The following HECW1 variants were observed in gnomAD, a reference collection of about 807,000 sequenced individuals.
HECW1 encodes the protein HECT, C2 and WW domain containing E3 ubiquitin protein ligase 1, also known as E3 ubiquitin-protein ligase HECW1.
In HECW1, 61 loss-of-function variants were observed where a neutral mutation model predicts 182.3. That is an observed-to-expected ratio of 0.33 (90% confidence interval 0.27 to 0.41). The LOEUF is 0.41. HECW1 is among the 10% of genes least tolerant of loss of function. HECW1 has a pLI of 1.00. For missense variants in HECW1, 1,739 were observed against 2,108.9 expected, an observed-to-expected ratio of 0.82 and a Z score of 3.44; for synonymous variants, 859 against 832.6, an observed-to-expected ratio of 1.03 and a Z score of -0.55.
chr7:43,152,798 C>T (rs546685795), intron 2 of HECW1, among the ~76,000 whole-genome samples: 3 of 152,074 alleles, frequency 2.0e-5, no homozygotes, highest in Non-Finnish European at 4.4e-5. Context: ...TATCTGTAGG[C>T]GTTTCCCCCT....
At chr7:43,420,859 A>G (rs559162385) in intron 8 of HECW1, among the ~76,000 whole-genome samples, 8 of 152,180 alleles carry the variant, frequency 5.3e-5, no homozygotes, top group Non-Finnish European at 1.2e-4. Flanking sequence ...TTAGGTGTCA[A>G]TTCTTCCCCA....
rs753488396 is a variant in HECW1 at position 43,444,530 on chromosome 7, C to G, written c.1358C>G (p.Pro453Arg). 10 of 1,611,260 alleles carry G rather than the reference C, an allele frequency of 6.2e-6. No individual in the cohort carries two copies. Among genetic ancestry groups the G allele is most frequent in the Admixed American group, 1.7e-5 (1 of 59,706 alleles). Residue 453 changes from proline to arginine, a missense_variant, in exon 11 of 30, where the codon CCC becomes CGC. Physicochemically the swap from Pro to Arg is moderately radical, Grantham distance 103. Transcript: ENST00000395891. The surrounding 1 kb of genome is among the most constrained non-coding windows in gnomAD (Gnocchi z 4.3). ...AQVQKDIQPA[P>R]SAEELAEQLD... ...GTGCAAAAGGACATCCAGCCTGCCCCCAGTGCAGAAGAGCTGGCCGAGCAG... is the reference window on the plus strand; with the variant it reads ...GTGCAAAAGGACATCCAGCCTGCCCGCAGTGCAGAAGAGCTGGCCGAGCAG...
chr7:43,162,736 A>G (rs952570469), intron 2 of HECW1, among the ~76,000 whole-genome samples: 1 of 152,226 alleles, frequency 6.6e-6, no homozygotes, highest in African/African-American at 2.4e-5. Flanking sequence ...GCCTTTTAAT[A>G]CAGAGGTAGT....
In HECW1 at chr7:43,133,728, C is replaced by T. The variant is rs896997813; in HGVS notation, c.-32+19337C>T. Among the ~76,000 whole-genome samples, 7 of 151,888 alleles carry T rather than the reference C, an allele frequency of 4.6e-5. No individual in the cohort carries two copies. In the East Asian group the frequency reaches 1.4e-3, roughly 29 times the overall value. On this transcript the variant is annotated intron_variant, in intron 2 of 29. Coordinates refer to ENST00000395891, the MANE Select transcript of HECW1 (RefSeq NM_015052.5). ...TGTGTCTATTTTATTGTTTTTTTAA[C>T]TCAAGAACTAATGCTGATATTCATT...
chr7:43,320,673 CG>C lies in HECW1; in HGVS notation c.392del (p.Arg131LeufsTer36). ...LSENFLDYKN[R>X]GVNGSHRGQI... ...CGAAAACTTTCTGGACTATAAAAACCGTGGAGTCAATGGTTCTCATCGGGGC... is the reference window on the plus strand; with the variant it reads ...CGAAAACTTTCTGGACTATAAAAACCTGGAGTCAATGGTTCTCATCGGGGC... On this transcript the variant is annotated frameshift_variant, in exon 5 of 30. Coordinates refer to ENST00000395891, the MANE Select transcript of HECW1 (RefSeq NM_015052.5). LOFTEE classifies it high-confidence loss of function. The C allele has an allele frequency of 6.2e-7, 1 of 1,614,152 alleles. No homozygotes were observed. Among genetic ancestry groups the C allele is most frequent in the Non-Finnish European group, 8.5e-7 (1 of 1,180,016 alleles).
intron 2 of HECW1, among the ~76,000 whole-genome samples, chr7:43,184,983 G>T (rs148667052): frequency 1.2e-4 from 18 of 152,156 alleles, no homozygotes; most frequent in Non-Finnish European, 2.6e-4. Flanking sequence ...GCATGGTGTT[G>T]AACCATTAGA....
chr7:43,307,082 A>G (rs1230067778), intron 3 of HECW1, among the ~76,000 whole-genome samples: 1 of 152,178 alleles, frequency 6.6e-6, no homozygotes, highest in African/African-American at 2.4e-5. Flanking sequence ...AAAAAAACCA[A>G]AAACAAAAAA....
At chr7:43,494,848 C>A (rs1255184348) in intron 19 of HECW1, among the ~76,000 whole-genome samples, 1 of 152,148 alleles carries the variant, frequency 6.6e-6, no homozygotes, top group Non-Finnish European at 1.5e-5. Flanking sequence ...TGTCCATGGT[C>A]TCAAAGTCTG....
chr7:43,303,397 A>G (rs1304141926), intron 3 of HECW1, among the ~76,000 whole-genome samples: 1 of 146,166 alleles, frequency 6.8e-6, no homozygotes, highest in East Asian at 2.1e-4. Context: ...GGGATGTTCA[A>G]CCTTACACTT....
At chr7:43,113,752 A>T in intron 1 of HECW1, 1 of 224,228 alleles carries the variant, frequency 4.5e-6, no homozygotes, top group Non-Finnish European at 8.9e-6. Context: ...GTGACAATGC[A>T]GCAAAATCCG....
At chr7:43,339,324 TC>T (rs1459054393) in intron 5 of HECW1, among the ~76,000 whole-genome samples, 6 of 152,278 alleles carry the variant, frequency 3.9e-5, no homozygotes, top group Non-Finnish European at 7.3e-5. Context: ...CTTCTTTCAA[TC>T]CGGATATTTT....
At chr7:43,501,453 CT>C in intron 21 of HECW1, 131 bp downstream of exon 21, 1 of 557,796 alleles carries the variant, frequency 1.8e-6, no homozygotes, top group South Asian at 2.8e-5. Flanking sequence ...TGAAAATGCA[CT>C]CTATCAGGTT....
intron 9 of HECW1, among the ~76,000 whole-genome samples, chr7:43,441,848 C>T (rs1027328170): frequency 6.6e-6 from 1 of 152,226 alleles, no homozygotes; most frequent in Non-Finnish European, 1.5e-5. Context: ...CTCACAACCA[C>T]ACAAAAACAG....
At chr7:43,408,295 T>C (rs1041513632) in intron 8 of HECW1, among the ~76,000 whole-genome samples, 5 of 152,136 alleles carry the variant, frequency 3.3e-5, no homozygotes, top group Admixed American at 3.3e-4. Flanking sequence ...TGCTACAGTA[T>C]TGAATAGTCT....
chr7:43,231,650 C>T (rs1797883510), intron 2 of HECW1, among the ~76,000 whole-genome samples: 1 of 152,098 alleles, frequency 6.6e-6, no homozygotes, highest in South Asian at 2.1e-4. Flanking sequence ...AACATAGATC[C>T]TCAGCTGTCG....
intron 2 of HECW1, among the ~76,000 whole-genome samples, chr7:43,213,282 C>T (rs1254801010): frequency 5.9e-5 from 9 of 151,824 alleles, no homozygotes; most frequent in Admixed American, 3.9e-4. Context: ...ACTTGTAAAT[C>T]ATTAAAGATG....
chr7:43,379,664 T>C (rs28558854), intron 6 of HECW1, among the ~76,000 whole-genome samples: 21,043 of 151,984 alleles, frequency 0.14, 1,587 homozygotes, highest in South Asian at 0.25. Context: ...GGTTCTTCCC[T>C]CAGGGCCCTT....
chr7:43,544,536 T>G (rs2152955281), intron 26 of HECW1, among the ~76,000 whole-genome samples: 1 of 152,344 alleles, frequency 6.6e-6, no homozygotes, highest in South Asian at 2.1e-4. Flanking sequence ...TCACTCTCTA[T>G]GAAAGGCACT....
chr7:43,396,974 C>A, intron 7 of HECW1, 85 bp downstream of exon 7: 2 of 986,028 alleles, frequency 2.0e-6, no homozygotes, highest in Non-Finnish European at 3.2e-6. Flanking sequence ...TCACTCTTAC[C>A]TACAAGTCAG....
Sources: allele counts gnomAD v4.1 joint callset (sites outside exome capture counted in the v4.1 genomes callset), GRCh38; gene constraint gnomAD v4.1.1; non-coding constraint Gnocchi (gnomAD v3.1); transcripts MANE v1.5; gene names NCBI Gene and HGNC (gene_info 2026-07-23, HGNC 2026-07-21).